RBFOX1: variants seen among roughly 807,000 people sequenced by gnomAD.
The protein encoded by RBFOX1 is RNA binding protein fox-1 homolog 1.
In RBFOX1, 8 loss-of-function variants were observed where a neutral mutation model predicts 57.7. The observed-to-expected ratio is 0.14, with a 90% CI of 0.08 to 0.25. The LOEUF is 0.25. Ranked by LOEUF, RBFOX1 falls within the 10% of genes least tolerant of loss-of-function variation. The pLI, the probability that RBFOX1 is intolerant of heterozygous loss-of-function variation, is 1.00. For missense variants in RBFOX1, 611 were observed against 548.5 expected (o/e 1.11, Z -1.14); for synonymous variants, 326 against 222.4 (o/e 1.47, Z -4.15).
intron 3 of RBFOX1, among the ~76,000 whole-genome samples, chr16:6,898,111 C>T (rs778714338): frequency 6.6e-6 from 1 of 152,200 alleles, no homozygotes; most frequent in Non-Finnish European, 1.5e-5. Flanking sequence ...GTAAATTCCA[C>T]ACCATATTCA....
intron 1 of RBFOX1, among the ~76,000 whole-genome samples, chr16:6,045,105 G>A (rs1184934486): frequency 6.6e-6 from 1 of 152,182 alleles, no homozygotes; most frequent in Non-Finnish European, 1.5e-5. Context: ...AACTAAAGCA[G>A]GGCTTCTCAA....
intron 4 of RBFOX1, among the ~76,000 whole-genome samples, chr16:7,350,603 A>G (rs1157877018): frequency 1.3e-5 from 2 of 152,220 alleles, no homozygotes; most frequent in African/African-American, 2.4e-5. Flanking sequence ...ACAAGATGCA[A>G]AACAGACAGG....
chr16:6,134,062 A>G (rs926485531), intron 1 of RBFOX1, among the ~76,000 whole-genome samples: 2 of 151,474 alleles, frequency 1.3e-5, no homozygotes, highest in Non-Finnish European at 2.9e-5. Context: ...TCAGCCCCCC[A>G]GGTAACTGAG....
intron 1 of RBFOX1, among the ~76,000 whole-genome samples, chr16:6,158,236 T>C (rs2096852587): frequency 6.6e-6 from 1 of 152,340 alleles, no homozygotes; most frequent in Non-Finnish European, 1.5e-5. Context: ...CTTGGACTTG[T>C]CTGAATCGGT....
intron 2 of RBFOX1, among the ~76,000 whole-genome samples, chr16:6,519,596 GA>G (rs2096460542): frequency 1.3e-5 from 2 of 152,122 alleles, no homozygotes; most frequent in Admixed American, 1.3e-4. Context: ...AGCTACTCAG[GA>G]GGCTGAGGCC....
chr16:6,196,903 A>T (rs1019842637), intron 1 of RBFOX1, among the ~76,000 whole-genome samples: 5 of 151,840 alleles, frequency 3.3e-5, no homozygotes. Flanking sequence ...CGCTGCCTAC[A>T]CTGGATTCCA....
intron 3 of RBFOX1, among the ~76,000 whole-genome samples, chr16:5,691,327 C>G (rs942195058): frequency 1.8e-4 from 28 of 152,182 alleles, no homozygotes; most frequent in African/African-American, 6.5e-4. Flanking sequence ...CTGGTAGTCT[C>G]TGCCTGATCT....
At chr16:5,379,962 C>T (rs1412634782) in intron 1 of RBFOX1, among the ~76,000 whole-genome samples, 1 of 152,200 alleles carries the variant, frequency 6.6e-6, no homozygotes, top group Non-Finnish European at 1.5e-5. Flanking sequence ...TCATCCCGGG[C>T]AGGTGCCCTT....
At chr16:5,567,635 CAAAA>C (rs34858401) in intron 2 of RBFOX1, among the ~76,000 whole-genome samples, 57 of 63,156 alleles carry the variant, frequency 9.0e-4, no homozygotes, top group Middle Eastern at 0.02. Context: ...AGGTTATAGG[CAAAA>C]AAAAAAAAAA....
intron 3 of RBFOX1, among the ~76,000 whole-genome samples, chr16:6,668,815 A>C (rs937661028): frequency 0.017 from 93 of 5,580 alleles, 1 homozygote; most frequent in African/African-American, 0.018. Flanking sequence ...AAAAGAAGCA[A>C]GTCTATTTTG....
At chr16:6,708,846 T>C (rs2063238709) in intron 3 of RBFOX1, among the ~76,000 whole-genome samples, 1 of 152,160 alleles carries the variant, frequency 6.6e-6, no homozygotes, top group Non-Finnish European at 1.5e-5. Flanking sequence ...GAGTAAGAAA[T>C]TGTAATTATT....
intron 10 of RBFOX1, 83 bp from the exon 11 acceptor site, chr16:7,630,520 A>G (rs2142659811): frequency 1.9e-6 from 3 of 1,580,088 alleles, no homozygotes; most frequent in South Asian, 2.3e-5. Flanking sequence ...ATTTCTCTGC[A>G]TTTCTCGGTT....
chr16:6,583,008 C>A (rs1237807612), intron 2 of RBFOX1, among the ~76,000 whole-genome samples: 1 of 146,574 alleles, frequency 6.8e-6, no homozygotes, highest in African/African-American at 2.5e-5. Flanking sequence ...TCTCTCCTCT[C>A]CTCTCTTGTC....
intron 5 of RBFOX1, among the ~76,000 whole-genome samples, chr16:7,557,449 G>A (rs974128768): frequency 2.0e-5 from 3 of 151,444 alleles, no homozygotes; most frequent in East Asian, 1.9e-4. Flanking sequence ...TTGAAACCCC[G>A]ACTTTACTAA....
chr16:7,256,558 C>A (rs960102655), intron 4 of RBFOX1, among the ~76,000 whole-genome samples: 1 of 152,176 alleles, frequency 6.6e-6, no homozygotes, highest in African/African-American at 2.4e-5. Flanking sequence ...CACTGTATGT[C>A]TGTTTATACC....
At chr16:6,931,184 T>C (rs752995391) in intron 3 of RBFOX1, among the ~76,000 whole-genome samples, 1 of 152,052 alleles carries the variant, frequency 6.6e-6, no homozygotes, top group Non-Finnish European at 1.5e-5. Context: ...ATGCGCTGTG[T>C]AGATATGGCA....
chr16:5,999,864 C>A (rs572125920), intron 4 of RBFOX1, among the ~76,000 whole-genome samples: 1 of 70,394 alleles, frequency 1.4e-5, no homozygotes, highest in South Asian at 7.2e-4. Flanking sequence ...CGAGACTCCA[C>A]CTCAAAAAAA....
intron 1 of RBFOX1, among the ~76,000 whole-genome samples, chr16:5,405,074 G>C (rs1263282017): frequency 6.6e-6 from 1 of 152,190 alleles, no homozygotes; most frequent in African/African-American, 2.4e-5. Flanking sequence ...TGTGCAAAGA[G>C]AGGTTGAGCA....
rs969997032 is a variant in RBFOX1 at position 6,076,509 on chromosome 16, C to T, written c.-127+56517C>T. 3.3e-5 allele frequency among the ~76,000 whole-genome samples: 5 copies of T among 151,994 alleles called. No homozygotes were observed. The East Asian group carries it at 7.8e-4, about 24-fold the overall frequency. On this transcript the variant is annotated intron_variant, in intron 1 of 15. Coordinates refer to ENST00000550418, the MANE Select transcript of RBFOX1 (RefSeq NM_018723.4). Reference sequence around the variant, plus strand: ...TTGAGTTAGGGTCTTGCTCTGTCACCCAGGCTGGAGGACAGTGGTGCGATC... The same window carrying T: ...TTGAGTTAGGGTCTTGCTCTGTCACTCAGGCTGGAGGACAGTGGTGCGATC...
Sources: allele counts gnomAD v4.1 joint callset (sites outside exome capture counted in the v4.1 genomes callset), GRCh38; gene constraint gnomAD v4.1.1; transcripts MANE v1.5; gene names NCBI Gene and HGNC (gene_info 2026-07-23, HGNC 2026-07-21).